Variants in STAT6 observed in about 807,000 individuals in gnomAD.
The protein encoded by STAT6 is signal transducer and activator of transcription 6.
In STAT6, 45 loss-of-function variants were observed where a neutral mutation model predicts 106.3. The ratio of observed to expected loss-of-function variants is 0.42; its 90% CI spans 0.33 to 0.54. The LOEUF (loss-of-function observed/expected upper bound fraction) is 0.54, where lower values mean the gene tolerates loss of function less well. Among genes scored for constraint, STAT6 ranks in the 20% least tolerant of loss-of-function variants. The pLI is 0.06. For missense variants in STAT6, 797 were observed against 1,062.2 expected (o/e 0.75, Z 3.47); for synonymous variants, 413 against 413.6 (o/e 1.00, Z 0.02).
chr12:57,101,025 T>C (rs1189958583), intron 13 of STAT6: 1 of 253,336 alleles, frequency 3.9e-6, no homozygotes, highest in Non-Finnish European at 8.3e-6. Context: ...GTAGCTGGTA[T>C]TACTGCACAT....
chr12:57,099,532 G>C lies in STAT6; in HGVS notation c.1745-92C>G, dbSNP rs570735756. 53 of 1,562,238 alleles carry C rather than the reference G, an allele frequency of 3.4e-5. No homozygotes were observed. In the South Asian group the frequency reaches 5.8e-4, roughly 17 times the overall value. The stretch of plus-strand genomic sequence containing the variant: ...ATAAGACCTGTTCTCACTCCACCAA[G>C]GCAAGGGAGAGAGGACCTAGGGTGG... On this transcript the variant is annotated intron_variant, in intron 15 of 21. Coordinates refer to ENST00000300134, the MANE Select transcript of STAT6 (RefSeq NM_003153.5). This position sits in a 1 kb window ranked among gnomAD's most constrained non-coding sequence, Gnocchi z 4.7.
intron 2 of STAT6, 60 bp from the exon 3 acceptor site, chr12:57,107,803 T>C: frequency 6.2e-7 from 1 of 1,604,168 alleles, no homozygotes; most frequent in East Asian, 2.2e-5. Flanking sequence ...CTCCTGACCC[T>C]TTACCCCACA....
In STAT6 at chr12:57,095,864, A is replaced by G. The variant is rs1023543585; in HGVS notation, c.*708T>C. The G allele has an allele frequency of 1.3e-5, 2 of 152,266 alleles. No individual in the cohort carries two copies. The highest frequency in any genetic ancestry group is 2.9e-5 in the Non-Finnish European group (2 of 68,066). 9.4% of individuals were successfully genotyped at this position (152,266 alleles called of 1,614,324 possible). A position where few individuals can be genotyped will look rare whatever the true frequency, so the allele number is the denominator to read the frequency against. ...GTCATGCAACTAAGGTGCCAGCTATACATTTAACATATCCTAGGTACATAC... is the reference window on the plus strand; with the variant it reads ...GTCATGCAACTAAGGTGCCAGCTATGCATTTAACATATCCTAGGTACATAC... On this transcript the variant is annotated 3_prime_UTR_variant, in exon 22 of 22. Transcript: ENST00000300134.
In STAT6 at chr12:57,097,120, T is replaced by G; in HGVS notation, c.2173A>C (p.Met725Leu). Residue 725 changes from methionine (M) to leucine (L), a missense_variant, in exon 20 of 22, where the codon ATG (methionine) becomes CTG (leucine). Met to Leu is a conservative substitution (Grantham distance 15). Transcript: ENST00000300134. ...CTCATCTGGCCCAGGCTGGGGGGCA[T>G]CTGCAGGTGAGGCCTGGAAGTAGGG... The part of the protein sequence containing the change: ...LSAFQEPHLQ[M>L]PPSLGQMSLP... 6.6e-7 allele frequency: 1 copy of G among 1,514,324 alleles called. No individual in the cohort carries two copies. Among genetic ancestry groups the G allele is most frequent in the Non-Finnish European group, 8.8e-7 (1 of 1,131,852 alleles). 93.8% of individuals were successfully genotyped at this position (1,514,324 alleles called of 1,614,324 possible).
chr12:57,110,809 G>A (rs908688339), intron 1 of STAT6, among the ~76,000 whole-genome samples: 5 of 152,072 alleles, frequency 3.3e-5, no homozygotes, highest in Non-Finnish European at 7.4e-5. Context: ...TCCAGGGAGG[G>A]GCGGCCACTT....
rs779569724 is a variant in STAT6 at position 57,104,813 on chromosome 12, T to G, written c.1002A>C (p.Ala334=). 5.6e-6 allele frequency: 9 copies of G among 1,614,024 alleles called. No homozygotes were observed. The highest frequency in any genetic ancestry group is 8.5e-7 in the Non-Finnish European group (1 of 1,180,036). Reference sequence around the variant, plus strand: ...TGTTGATGATTTCTCCAGTGCTTTCTCTGCCAGGGGAGGTCAGAGTGTGAA... The same window carrying G: ...TGTTGATGATTTCTCCAGTGCTTTCGCTGCCAGGGGAGGTCAGAGTGTGAA... ...LSVPQGPGAG[A]ESTGEIINNT... The change falls in exon 10 of 22, where the codon GCA becomes GCC. Residue 334 remains alanine, a splice_region_variant and synonymous_variant. Coordinates refer to ENST00000300134, the MANE Select transcript of STAT6 (RefSeq NM_003153.5).
At chr12:57,106,033 A>G in intron 7 of STAT6, 158 bp downstream of exon 7, 1 of 1,286,516 alleles carries the variant, frequency 7.8e-7, no homozygotes, top group Non-Finnish European at 1.1e-6. Flanking sequence ...TGCGACCTGA[A>G]CGACAGTGTG....
chr12:57,098,662 T>A, intron 18 of STAT6, 65 bp from the exon 19 acceptor site: 2 of 1,573,230 alleles, frequency 1.3e-6, no homozygotes, highest in Non-Finnish European at 1.7e-6. Flanking sequence ...ACCCTGCTTT[T>A]GAACAGGTGT....
In STAT6 at chr12:57,111,284, A is replaced by C. The variant is rs919708592; in HGVS notation, c.-177T>G. ...AAGAAAAATAAGATAAAGCACACAC[A>C]TACATACACACACACACACACACAC... On this transcript the variant is annotated 5_prime_UTR_variant, in exon 1 of 22. It removes an upstream start codon present in the reference 5' UTR. Transcript: ENST00000300134. 8.1e-6 allele frequency: 1 copy of C among 122,990 alleles called. No homozygotes were observed. Among genetic ancestry groups the C allele is most frequent in the Admixed American group, 9.0e-5 (1 of 11,074 alleles). The allele number at this position is 122,990 out of a possible 1,614,324, so 7.6% of individuals were successfully genotyped here.
chr12:57,100,734 G>GA (rs1387264989), intron 13 of STAT6: 7 of 146,946 alleles, frequency 4.8e-5, no homozygotes, highest in South Asian at 1.2e-4. Context: ...AAGAAAGAAA[G>GA]AAAGAAAGAA....
At chr12:57,106,896 ACT>A (rs2034316770) in intron 4 of STAT6, 65 bp from the exon 5 acceptor site, 4 of 1,598,244 alleles carry the variant, frequency 2.5e-6, no homozygotes, top group Non-Finnish European at 2.6e-6. Flanking sequence ...CCTGGCCTCC[ACT>A]CTCTGCTCTG....
In STAT6 at chr12:57,107,350, T is replaced by C. The variant is rs747951453; in HGVS notation, c.256-36A>G. 6.9e-6 allele frequency: 11 copies of C among 1,590,156 alleles called. No homozygotes were observed. In the African/African-American group the frequency reaches 1.2e-4, roughly 17 times the overall value. On this transcript the variant is annotated intron_variant, in intron 3 of 21. Transcript: ENST00000300134. ...GAGGGTGGTAAACAGTGAGCTTTGC[T>C]CTTACCCATGTCCTTCAATCCCTCC...
intron 18 of STAT6, 31 bp downstream of exon 18, chr12:57,098,761 C>T (rs1218814170): frequency 6.2e-7 from 1 of 1,604,618 alleles, no homozygotes. Context: ...CTGCACAGAC[C>T]ACTCCCATTC....
At position 57,105,212 on chromosome 12, in the gene STAT6, C is replaced by A. The variant is rs764447812; in HGVS notation, c.940G>T (p.Asp314Tyr). The change falls in exon 9 of 22, where the codon GAC becomes TAC. Residue 314 changes from aspartate (D) to tyrosine (Y), a missense_variant. Physicochemically the swap from Asp to Tyr is radical, Grantham distance 160. Around this residue, in one of 4 missense-constraint regions of STAT6, gnomAD observed 336 missense variants for 429.8 expected, o/e 0.78. Transcript: ENST00000300134. ...CGCGCCTGCTTCTCTGTCACCATGT[C>A]GGCCCTGACCAGCGGAGGCTTGGCT... ...APAKPPLVRADMVTEKQAREL... is the reference protein window; with the variant it reads ...APAKPPLVRAYMVTEKQAREL... 2 of 1,613,936 alleles carry A rather than the reference C, an allele frequency of 1.2e-6. No individual in the cohort carries two copies. The highest frequency in any genetic ancestry group is 1.3e-5 in the African/African-American group (1 of 74,922).
chr12:57,103,749 T>G (rs1469653578), intron 11 of STAT6: 1 of 152,122 alleles, frequency 6.6e-6, no homozygotes, highest in African/African-American at 2.4e-5. Context: ...GTATTTTTAG[T>G]GGAGACGGGG....
intron 13 of STAT6, among the ~76,000 whole-genome samples, chr12:57,100,640 GAA>G (rs1201762371): frequency 1.3e-5 from 1 of 78,006 alleles, no homozygotes; most frequent in Admixed American, 1.4e-4. Context: ...AAGAGAAAGA[GAA>G]AGAAAGAAAG....
intron 20 of STAT6, 31 bp downstream of exon 20, chr12:57,097,037 A>G: frequency 6.3e-7 from 1 of 1,589,686 alleles, no homozygotes; most frequent in Non-Finnish European, 8.6e-7. Context: ...AAGAAGAGGC[A>G]CATGGGGTCA....
At chr12:57,102,196 C>T in intron 13 of STAT6, 94 bp downstream of exon 13, 1 of 1,364,758 alleles carries the variant, frequency 7.3e-7, no homozygotes, top group South Asian at 1.2e-5. Context: ...GTGGAGAATC[C>T]AGTGGAAGGT....
At chr12:57,104,941 G>T in intron 9 of STAT6, 128 bp from the exon 10 acceptor site, 2 of 1,269,748 alleles carry the variant, frequency 1.6e-6, no homozygotes, top group Non-Finnish European at 1.1e-6. Flanking sequence ...GGGTTCTTAA[G>T]GGAGGAGTCC....
Sources: allele counts gnomAD v4.1 joint callset (sites outside exome capture counted in the v4.1 genomes callset), GRCh38; gene constraint gnomAD v4.1.1; regional missense constraint gnomAD v4.1.1; non-coding constraint Gnocchi (gnomAD v3.1); transcripts MANE v1.5; gene names NCBI Gene and HGNC (gene_info 2026-07-23, HGNC 2026-07-21).